JMJD4: variants seen among roughly 807,000 people sequenced by gnomAD.
JMJD4 encodes 2-oxoglutarate and iron-dependent oxygenase JMJD4.
Under a neutral mutation model 36.3 loss-of-function variants are expected in JMJD4, and 34 were observed. That is an observed-to-expected ratio of 0.94 (90% confidence interval 0.71 to 1.25). The LOEUF is 1.25. JMJD4 is among the 50% of genes most tolerant of loss of function. JMJD4 has a pLI of 0.00. For synonymous variants in JMJD4, 269 were observed against 235.3 expected (o/e 1.14, Z -1.31); for missense variants, 584 against 559.1 (o/e 1.04, Z -0.45).
In JMJD4 at chr1:227,733,648, G is replaced by A. The variant is rs1415541467; in HGVS notation, c.588C>T (p.Phe196=). 3 of 1,602,892 alleles carry A rather than the reference G, an allele frequency of 1.9e-6. No homozygotes were observed. In the Admixed American group the frequency reaches 5.0e-5, roughly 27 times the overall value. ...SPFHADIFRS[F]SWSVNVCGRK... Reference sequence around the variant, plus strand: ...TCCCACAGACATTGACAGACCAGCTGAAGGAGCGGAAGATGTCAGCATGGA... The same window carrying A: ...TCCCACAGACATTGACAGACCAGCTAAAGGAGCGGAAGATGTCAGCATGGA... The change falls in exon 4 of 6, where the codon TTC becomes TTT. Residue 196 remains phenylalanine (F), a synonymous_variant. Coordinates refer to ENST00000620518, the MANE Select transcript of JMJD4 (RefSeq NM_023007.3).
chr1:227,734,252 A>G (rs1463774086), intron 2 of JMJD4: 2 of 558,774 alleles, frequency 3.6e-6, no homozygotes, highest in African/African-American at 1.9e-5. Context: ...AGTACTGATC[A>G]TGCCTATAAT....
chr1:227,735,030 G>A lies in JMJD4; in HGVS notation c.244C>T (p.His82Tyr). Reference sequence around the variant, plus strand: ...GCCCCACCGTAGGTCCGTAGCAGGTGGTCGAAGTCGGGCCTCCCCGCGGGC... The same window carrying A: ...GCCCCACCGTAGGTCCGTAGCAGGTAGTCGAAGTCGGGCCTCCCCGCGGGC... ...VTPAGRPDFD[H>Y]LLRTYGDVVV... Residue 82 changes from histidine to tyrosine, a missense_variant, in exon 1 of 6, where the codon CAC (histidine) becomes TAC (tyrosine). His to Tyr is a moderately conservative substitution (Grantham distance 83). Transcript: ENST00000620518. The A allele has an allele frequency of 6.4e-7, 1 of 1,551,322 alleles. No homozygotes were observed. The highest frequency in any genetic ancestry group is 8.7e-7 in the Non-Finnish European group (1 of 1,149,840).
Position 227,732,138 on chromosome 1 carries a change from C to G in JMJD4, c.*254G>C. 1 of 572,140 alleles carries G rather than the reference C, an allele frequency of 1.7e-6. No individual in the cohort carries two copies. Among genetic ancestry groups the G allele is most frequent in the Non-Finnish European group, 3.1e-6 (1 of 320,506 alleles). The allele number at this position is 572,140 out of a possible 1,614,324, so 35.4% of individuals were successfully genotyped here. A position where few individuals can be genotyped will look rare whatever the true frequency, so the allele number is the denominator to read the frequency against. ...TAAGGAGGCAGGGCCCCCAAAAGAG[C>G]CAGGTCCTGGCACCATCTCCGAGCT... is the stretch of plus-strand genomic sequence containing the variant. On this transcript the variant is annotated 3_prime_UTR_variant, in exon 6 of 6. Coordinates refer to ENST00000620518, the MANE Select transcript of JMJD4 (RefSeq NM_023007.3).
Position 227,735,067 on chromosome 1 carries a change from C to CCGCCGGCTG in JMJD4, c.198_206dup (p.Ser67_Arg69dup). 1 of 1,558,856 alleles carries CCGCCGGCTG rather than the reference C, an allele frequency of 6.4e-7. No individual in the cohort carries two copies. On this transcript the variant is annotated inframe_insertion, in exon 1 of 6. Coordinates refer to ENST00000620518, the MANE Select transcript of JMJD4 (RefSeq NM_023007.3). ...GCCTCCCCGCGGGCGTCACCCAGCG[C>CCGCCGGCTG]CGCCGGCTGCCCCAGCCCTGCGTGA...
chr1:227,732,940 C>T lies in JMJD4; in HGVS notation c.910G>A (p.Val304Met), dbSNP rs201687290. The change falls in exon 5 of 6, where the codon GTG becomes ATG. Residue 304 changes from valine (V) to methionine (M), a missense_variant. Physicochemically the swap from Val to Met is conservative, Grantham distance 21 (BLOSUM62 1). Coordinates refer to ENST00000620518, the MANE Select transcript of JMJD4 (RefSeq NM_023007.3). ...WRFLQQELCA[V>M]QEEVSEWRDS... ...CTCCACTCGCTGACCTCCTCCTGCA[C>T]GGCGCATAGCTCCTGCTGCAAGAAG... 40 of 1,613,188 alleles carry T rather than the reference C, an allele frequency of 2.5e-5. No individual in the cohort carries two copies. The Admixed American group carries it at 3.3e-4, about 13-fold the overall frequency.
rs191339769 is a variant in JMJD4, at chr1:227,733,662, T to A, written c.574A>T (p.Ile192Phe). The change falls in exon 4 of 6, where the codon ATC (isoleucine) becomes TTC (phenylalanine). Residue 192 changes from isoleucine to phenylalanine, a missense_variant. Coordinates refer to ENST00000620518, the MANE Select transcript of JMJD4 (RefSeq NM_023007.3). ...ACAGACCAGCTGAAGGAGCGGAAGA[T>A]GTCAGCATGGAACGGGGACCTGCGG... is the stretch of plus-strand genomic sequence containing the variant. ...AGSWSPFHAD[I>F]FRSFSWSVNV... is the part of the protein sequence containing the mutation. The A allele has an allele frequency of 6.2e-7, 1 of 1,601,870 alleles. No homozygotes were observed. Among genetic ancestry groups the A allele is most frequent in the African/African-American group, 1.3e-5 (1 of 75,004 alleles).
At position 227,735,019 on chromosome 1, in the gene JMJD4, C is replaced by A; in HGVS notation, c.255G>T (p.Arg85=). The change falls in exon 1 of 6, where the codon CGG becomes CGT. Residue 85 remains arginine, a synonymous_variant. Transcript: ENST00000620518. ...AGRPDFDHLL[R]TYGDVVVPVA... is the part of the protein sequence containing the mutation. ...CTGCGGCCGCCGCCCCACCGTAGGT[C>A]CGTAGCAGGTGGTCGAAGTCGGGCC... The A allele has an allele frequency of 6.5e-7, 1 of 1,548,826 alleles. No individual in the cohort carries two copies. The highest frequency in any genetic ancestry group is 8.7e-7 in the Non-Finnish European group (1 of 1,148,940).
rs148720946 is a variant in JMJD4, at chr1:227,732,902, G to A, written c.948C>T (p.Pro316=). The A allele has an allele frequency of 2.2e-5, 35 of 1,612,756 alleles. No homozygotes were observed. Among genetic ancestry groups the A allele is most frequent in the East Asian group, 1.8e-4 (8 of 44,866 alleles). The change falls in exon 5 of 6, where the codon CCC becomes CCT. Residue 316 remains proline, a synonymous_variant. Coordinates refer to ENST00000620518, the MANE Select transcript of JMJD4 (RefSeq NM_023007.3). ...CCACCTGGCAGTGGTGGTGCCAGTCGGGCATGGAGTCCCTCCACTCGCTGA... is the reference window on the plus strand; with the variant it reads ...CCACCTGGCAGTGGTGGTGCCAGTCAGGCATGGAGTCCCTCCACTCGCTGA... ...EEVSEWRDSM[P]DWHHHCQVIM... is the part of the protein sequence containing the mutation.
intron 4 of JMJD4, 75 bp downstream of exon 4, chr1:227,733,339 G>A: frequency 6.8e-7 from 1 of 1,460,056 alleles, no homozygotes; most frequent in Non-Finnish European, 9.2e-7. Flanking sequence ...GCTCTGGCTG[G>A]GAGAGTGGGG....
chr1:227,732,209 G>T lies in JMJD4; in HGVS notation c.*183C>A. On this transcript the variant is annotated 3_prime_UTR_variant, in exon 6 of 6. Transcript: ENST00000620518. ...TCAGAAGGGCCACATCCCATCTTGG[G>T]TCCCTGACCTCATTGGGCCTCACCT... 1 of 669,128 alleles carries T rather than the reference G, an allele frequency of 1.5e-6. No homozygotes were observed. 41.4% of individuals were successfully genotyped at this position (669,128 alleles called of 1,614,324 possible). A position where few individuals can be genotyped will look rare whatever the true frequency, so the allele number is the denominator to read the frequency against.
At chr1:227,734,226 G>C (rs1395836988) in intron 2 of JMJD4, 194 bp from the exon 3 acceptor site, 3 of 619,486 alleles carry the variant, frequency 4.8e-6, no homozygotes, top group Non-Finnish European at 8.4e-6. Context: ...GACTACAATG[G>C]TTCTGCTTAT....
rs1660693253 is a variant in JMJD4 at position 227,732,177 on chromosome 1, C to CT, written c.*214dup. 3 of 607,868 alleles carry CT rather than the reference C, an allele frequency of 4.9e-6. No individual in the cohort carries two copies. The East Asian group carries it at 8.3e-5, about 17-fold the overall frequency. 37.7% of individuals were successfully genotyped at this position (607,868 alleles called of 1,614,324 possible). ...CATCTCCGAGCTCCCAGCAGGCCTG[C>CT]TGCAGGTCAGAAGGGCCACATCCCA... On this transcript the variant is annotated 3_prime_UTR_variant, in exon 6 of 6. Transcript: ENST00000620518.
intron 3 of JMJD4, 80 bp from the exon 4 acceptor site, chr1:227,733,761 C>T: frequency 6.3e-7 from 1 of 1,591,244 alleles, no homozygotes; most frequent in Non-Finnish European, 8.5e-7. Context: ...CCTGGTCCAA[C>T]TGAAGGAGGG....
intron 2 of JMJD4, 62 bp downstream of exon 2, chr1:227,734,589 G>A: frequency 1.3e-6 from 2 of 1,549,718 alleles, no homozygotes; most frequent in African/African-American, 1.4e-5. Context: ...TCATCAGAAA[G>A]GCCTCTGGGT....
intron 3 of JMJD4, 63 bp downstream of exon 3, chr1:227,733,844 G>C (rs1448759996): frequency 6.2e-7 from 1 of 1,603,568 alleles, no homozygotes; most frequent in Non-Finnish European, 8.5e-7. Flanking sequence ...TGCCACCCTG[G>C]GCCTCCCAGT....
Position 227,735,269 on chromosome 1 carries a change from T to C in JMJD4, c.5A>G (p.Asp2Gly), listed in dbSNP as rs1399905802. The C allele has an allele frequency of 1.9e-6, 3 of 1,605,664 alleles. No homozygotes were observed. Among genetic ancestry groups the C allele is most frequent in the Admixed American group, 1.7e-5 (1 of 59,548 alleles). Residue 2 changes from aspartate (D) to glycine (G), a missense_variant, in exon 1 of 6, where the codon GAC becomes GGC. Physicochemically the swap from Asp to Gly is moderately conservative, Grantham distance 94. Coordinates refer to ENST00000620518, the MANE Select transcript of JMJD4 (RefSeq NM_023007.3). M[D>G]RETRALADSH... ...GTCGGCGAGGGCGCGCGTCTCGCGGTCCATCCAGCTCAGCACGGGTCGAAG... is the reference window on the plus strand; with the variant it reads ...GTCGGCGAGGGCGCGCGTCTCGCGGCCCATCCAGCTCAGCACGGGTCGAAG...
Position 227,732,237 on chromosome 1 carries a change from A to C in JMJD4, c.*155T>G. ...CCTGACCTCATTGGGCCTCACCTGA[A>C]AACAGGCACCCAGGCAGTGGCCATG... is the stretch of plus-strand genomic sequence containing the variant. On this transcript the variant is annotated 3_prime_UTR_variant, in exon 6 of 6. Transcript: ENST00000620518. 1.2e-6 allele frequency: 1 copy of C among 862,860 alleles called. No homozygotes were observed. The highest frequency in any genetic ancestry group is 1.8e-6 in the Non-Finnish European group (1 of 549,366). 53.5% of individuals were successfully genotyped at this position (862,860 alleles called of 1,614,324 possible).
At chr1:227,734,392 C>T (rs1558183509) in intron 2 of JMJD4, 1 of 368,178 alleles carries the variant, frequency 2.7e-6, no homozygotes, top group Non-Finnish European at 4.7e-6. Context: ...GGAGTGGAGA[C>T]GCCTTCCTGT....
At chr1:227,733,174 G>C in intron 4 of JMJD4, 147 bp from the exon 5 acceptor site, 1 of 995,920 alleles carries the variant, frequency 1.0e-6, no homozygotes, top group Non-Finnish European at 1.5e-6. Context: ...TTGCTCAGCA[G>C]GGAAGTGGGT....
Sources: gnomAD v4.1 joint callset for allele counts on GRCh38, gnomAD v4.1.1 for gene constraint, MANE v1.5 for transcripts, NCBI Gene and HGNC (gene_info 2026-07-23, HGNC 2026-07-21) for gene names.